MYO7B: variants seen among roughly 807,000 people sequenced by gnomAD.
MYO7B encodes myosin VIIB, also known as unconventional myosin-VIIb.
In MYO7B, 212 loss-of-function variants were observed where a neutral mutation model predicts 259.7. The observed-to-expected ratio is 0.82, with a 90% CI of 0.73 to 0.91. The LOEUF (loss-of-function observed/expected upper bound fraction) is 0.91. Among genes scored for constraint, MYO7B ranks in the 40% least tolerant of loss-of-function variants. The pLI is 0.00. For synonymous variants in MYO7B, 1,197 were observed against 1,166.4 expected (o/e 1.03, Z -0.54); for missense variants, 2,732 against 2,813.5 (o/e 0.97, Z 0.66).
In MYO7B at chr2:127,615,997, G is replaced by A. The variant is rs147486715; in HGVS notation, c.3398+3394G>A. On this transcript the variant is annotated intron_variant, in intron 26 of 47. Coordinates refer to ENST00000409816, the MANE Select transcript of MYO7B (RefSeq NM_001393586.1). The surrounding 1 kb of genome is among the most constrained non-coding windows in gnomAD (Gnocchi z 4.4). ...CCTGTGAAAACACAAGCATACCCTC[G>A]TTCCCACAATAGTAAATCTCCTGAA... Among the ~76,000 whole-genome samples, 18 of 152,230 alleles carry A rather than the reference G, an allele frequency of 1.2e-4. No individual in the cohort carries two copies. Among genetic ancestry groups the A allele is most frequent in the Non-Finnish European group, 2.4e-4 (16 of 68,016 alleles).
chr2:127,607,107 C>T lies in MYO7B; in HGVS notation c.2425-99C>T, dbSNP rs1391128904. 2.5e-6 allele frequency: 3 copies of T among 1,176,710 alleles called. No homozygotes were observed. The African/African-American group carries it at 4.6e-5, about 18-fold the overall frequency. 72.9% of individuals were successfully genotyped at this position (1,176,710 alleles called of 1,614,324 possible). A position where few individuals can be genotyped will look rare whatever the true frequency, so the allele number is the denominator to read the frequency against. ...CGGCCCTTTGCCAAAACAAAACTAA[C>T]TGTAAATCTATCTTGCACTGCCTCC... is the stretch of plus-strand genomic sequence containing the variant. On this transcript the variant is annotated intron_variant, in intron 20 of 47. Transcript: ENST00000409816. The surrounding 1 kb of genome is among the most constrained non-coding windows in gnomAD (Gnocchi z 4.4).
At chr2:127,621,158 C>A (rs952482635) in intron 27 of MYO7B, among the ~76,000 whole-genome samples, 8 of 152,180 alleles carry the variant, frequency 5.3e-5, no homozygotes, top group African/African-American at 1.9e-4. Flanking sequence ...GCTGTTCCTC[C>A]CCACCCCAAG....
rs1681257231 is a variant in MYO7B at position 127,628,220 on chromosome 2, C to T, written c.4461-152C>T. The T allele has an allele frequency of 2.2e-6, 2 of 907,810 alleles. No individual in the cohort carries two copies. The highest frequency in any genetic ancestry group is 2.0e-5 in the Admixed American group (1 of 50,110). 56.2% of individuals were successfully genotyped at this position (907,810 alleles called of 1,614,324 possible). A position where few individuals can be genotyped will look rare whatever the true frequency, so the allele number is the denominator to read the frequency against. On this transcript the variant is annotated intron_variant, in intron 33 of 47. Coordinates refer to ENST00000409816, the MANE Select transcript of MYO7B (RefSeq NM_001393586.1). This position sits in a 1 kb window ranked among gnomAD's most constrained non-coding sequence, Gnocchi z 4.8. Reference sequence around the variant, plus strand: ...GCCGTCCTTCATTTGTCCAGACCCACAGTGGTGTCTGGCCTAGTCCTGGCC... The same window carrying T: ...GCCGTCCTTCATTTGTCCAGACCCATAGTGGTGTCTGGCCTAGTCCTGGCC...
Position 127,628,408 on chromosome 2 carries a change from G to A in MYO7B, c.4497G>A (p.Thr1499=), listed in dbSNP as rs373878886. The change falls in exon 34 of 48, where the codon ACG becomes ACA. Residue 1499 remains threonine (T), a synonymous_variant. Transcript: ENST00000409816. The surrounding 1 kb of genome is among the most constrained non-coding windows in gnomAD (Gnocchi z 4.8). Reference sequence around the variant, plus strand: ...GCGGGCAGAGGCTGCTGCTCTCCACGATGCATGAGGAGTACGAGTTTGTGT... The same window carrying A: ...GCGGGCAGAGGCTGCTGCTCTCCACAATGCATGAGGAGTACGAGTTTGTGT... ...AQGGQRLLLS[T]MHEEYEFVSP... The A allele has an allele frequency of 2.0e-5, 32 of 1,600,728 alleles. No homozygotes were observed. The highest frequency in any genetic ancestry group is 1.5e-4 in the African/African-American group (11 of 74,912).
intron 1 of MYO7B, among the ~76,000 whole-genome samples, chr2:127,544,020 C>T (rs923862342): frequency 3.9e-5 from 6 of 152,128 alleles, no homozygotes; most frequent in East Asian, 1.9e-4. Flanking sequence ...ATCTGCCTGC[C>T]TCGGCCTCCC....
At chr2:127,536,584 G>A (rs945004285) in intron 1 of MYO7B, among the ~76,000 whole-genome samples, 2 of 152,106 alleles carry the variant, frequency 1.3e-5, no homozygotes, top group Non-Finnish European at 2.9e-5. Context: ...CACAGAGGAC[G>A]AAACTTGAGA....
At chr2:127,593,827 G>A (rs1679663914) in intron 18 of MYO7B, among the ~76,000 whole-genome samples, 183 bp downstream of exon 18, 1 of 152,262 alleles carries the variant, frequency 6.6e-6, no homozygotes, top group Non-Finnish European at 1.5e-5. Flanking sequence ...AGGGGACAAT[G>A]AGGTGGTGGT....
At position 127,615,652 on chromosome 2, in the gene MYO7B, C is replaced by T. The variant is rs546513410; in HGVS notation, c.3398+3049C>T. On this transcript the variant is annotated intron_variant, in intron 26 of 47. Coordinates refer to ENST00000409816, the MANE Select transcript of MYO7B (RefSeq NM_001393586.1). This position sits in a 1 kb window ranked among gnomAD's most constrained non-coding sequence, Gnocchi z 4.4. ...GACTGCCCTCAGCATTCCTTCTGGG[C>T]GGTAGACGCGGTTTGTCAGTTGGCC... Among the ~76,000 whole-genome samples, 2 of 152,094 alleles carry T rather than the reference C, an allele frequency of 1.3e-5. No homozygotes were observed. Among genetic ancestry groups the T allele is most frequent in the East Asian group, 1.9e-4 (1 of 5,180 alleles).
chr2:127,579,806 G>A (rs574258876), intron 9 of MYO7B, among the ~76,000 whole-genome samples: 161 of 152,218 alleles, frequency 1.1e-3, no homozygotes, highest in African/African-American at 3.4e-3. Context: ...GGCTGGTCTC[G>A]AACTCCCAAC....
At position 127,628,543 on chromosome 2, in the gene MYO7B, ACTGG is replaced by A; in HGVS notation, c.4624+9_4624+12del. The A allele has an allele frequency of 1.9e-6, 1 of 523,150 alleles. No homozygotes were observed. Among genetic ancestry groups the A allele is most frequent in the Non-Finnish European group, 2.6e-6 (1 of 390,024 alleles). 32.4% of individuals were successfully genotyped at this position (523,150 alleles called of 1,614,324 possible). A position where few individuals can be genotyped will look rare whatever the true frequency, so the allele number is the denominator to read the frequency against. The stretch of plus-strand genomic sequence containing the variant: ...AGGACAGGAAGGCCACAGGTGCCAG[ACTGG>A]GTGGGGTGGGGTGGGGTGGGGTGGG... On this transcript the variant is annotated intron_variant, in intron 34 of 47. Coordinates refer to ENST00000409816, the MANE Select transcript of MYO7B (RefSeq NM_001393586.1). This position sits in a 1 kb window ranked among gnomAD's most constrained non-coding sequence, Gnocchi z 4.8.
chr2:127,622,696 T>G (rs2105083252), intron 28 of MYO7B, among the ~76,000 whole-genome samples: 1 of 152,356 alleles, frequency 6.6e-6, no homozygotes, highest in East Asian at 1.9e-4. Flanking sequence ...ACCTTCTTTC[T>G]GTTCTCACCC....
At chr2:127,552,434 C>T (rs926418452) in intron 1 of MYO7B, among the ~76,000 whole-genome samples, 3 of 151,804 alleles carry the variant, frequency 2.0e-5, no homozygotes, top group African/African-American at 4.8e-5. Context: ...GGGTCCAGGG[C>T]GTGTTGTGGT....
intron 6 of MYO7B, among the ~76,000 whole-genome samples, chr2:127,570,583 C>T (rs538428303): frequency 2.6e-5 from 4 of 152,338 alleles, no homozygotes; most frequent in African/African-American, 7.2e-5. Context: ...CAGTCTCTCT[C>T]GTTTCTTTAC....
intron 1 of MYO7B, among the ~76,000 whole-genome samples, chr2:127,553,999 G>T (rs1190719524): frequency 6.6e-6 from 1 of 152,120 alleles, no homozygotes; most frequent in African/African-American, 2.4e-5. Context: ...TGCTTTTTCT[G>T]CATCTATTGA....
rs183069592 is a variant in MYO7B, at chr2:127,564,272, T to C, written c.132+6T>C. 35 of 1,557,066 alleles carry C rather than the reference T, an allele frequency of 2.2e-5. No individual in the cohort carries two copies. In the African/African-American group the frequency reaches 3.9e-4, roughly 18 times the overall value. On this transcript the variant is annotated splice_donor_region_variant and intron_variant, in intron 3 of 47. Transcript: ENST00000409816. ...TTGAAGATGACGAGGGCAAGGTCAG[T>C]GTTCTGGGGTTTCCTCTGGGCCCTG...
rs1452100919 is a variant in MYO7B, at chr2:127,609,504, A to G, written c.2815-2A>G. On this transcript the variant is annotated splice_acceptor_variant, in intron 22 of 47. Transcript: ENST00000409816. LOFTEE classifies it high-confidence loss of function. The surrounding 1 kb of genome is among the most constrained non-coding windows in gnomAD (Gnocchi z 6.9). ...ACCCGTGTTCTCCCTCAATGGCCGT[A>G]GGATCTGGAATCGAAGACCCAGAAG... is the stretch of plus-strand genomic sequence containing the variant. The G allele has an allele frequency of 3.1e-6, 5 of 1,610,238 alleles. No individual in the cohort carries two copies. Among genetic ancestry groups the G allele is most frequent in the Non-Finnish European group, 4.2e-6 (5 of 1,178,142 alleles).
At chr2:127,593,045 C>A (rs913578338) in intron 17 of MYO7B, 99 bp downstream of exon 17, 3 of 1,429,864 alleles carry the variant, frequency 2.1e-6, no homozygotes, top group South Asian at 1.3e-5. Flanking sequence ...TCCCGCTGCC[C>A]TCCCCGGCCC....
At chr2:127,552,499 G>C (rs1275619602) in intron 1 of MYO7B, among the ~76,000 whole-genome samples, 1 of 152,216 alleles carries the variant, frequency 6.6e-6, no homozygotes, top group Non-Finnish European at 1.5e-5. Context: ...TGGGCTGTGG[G>C]AAGACCAGGC....
intron 34 of MYO7B, among the ~76,000 whole-genome samples, chr2:127,629,294 C>A (rs934652041): frequency 6.6e-6 from 1 of 152,160 alleles, no homozygotes; most frequent in Admixed American, 6.5e-5. Context: ...AGGAAGGGGT[C>A]TAGAGAGGCA....
Sources: allele counts gnomAD v4.1 joint callset (sites outside exome capture counted in the v4.1 genomes callset), GRCh38; gene constraint gnomAD v4.1.1; non-coding constraint Gnocchi (gnomAD v3.1); transcripts MANE v1.5; gene names NCBI Gene and HGNC (gene_info 2026-07-23, HGNC 2026-07-21).